Variants in DNM3 observed in about 807,000 individuals in gnomAD.
DNM3 encodes the protein dynamin-3.
DNM3 carries 47 observed loss-of-function variants against 101.6 expected under a neutral mutation model. That is an observed-to-expected ratio of 0.46 (90% CI 0.37 to 0.59). DNM3 has a LOEUF of 0.59. Ranked by LOEUF, DNM3 falls within the 20% of genes least tolerant of loss-of-function variation. The pLI is 0.00. For missense variants in DNM3, 849 were observed against 1,085.7 expected (o/e 0.78, Z 3.06); for synonymous variants, 385 against 387.9 (o/e 0.99, Z 0.09).
intron 2 of DNM3, 67 bp from the exon 3 acceptor site, chr1:171,987,589 G>A: frequency 6.9e-7 from 1 of 1,446,876 alleles, no homozygotes; most frequent in Non-Finnish European, 9.2e-7. Context: ...TATAATTAAA[G>A]AAACTTTTAT....
intron 15 of DNM3, among the ~76,000 whole-genome samples, chr1:172,301,906 G>T (rs1341491785): frequency 6.6e-6 from 1 of 152,078 alleles, no homozygotes; most frequent in Non-Finnish European, 1.5e-5. Context: ...TAAGGTTATG[G>T]TCCCGTTCCA....
intron 2 of DNM3, among the ~76,000 whole-genome samples, chr1:171,974,639 C>G (rs957507584): frequency 3.3e-4 from 50 of 152,190 alleles, no homozygotes; most frequent in African/African-American, 1.0e-3. Context: ...TTTAAACTGA[C>G]TGCATAATGC....
intron 4 of DNM3, among the ~76,000 whole-genome samples, chr1:172,010,586 C>G (rs570865409): frequency 1.7e-5 from 2 of 115,506 alleles, no homozygotes; most frequent in African/African-American, 6.2e-5. Context: ...GTGTGTCTCT[C>G]TTTTTTCCCT....
intron 1 of DNM3, among the ~76,000 whole-genome samples, chr1:171,899,209 T>C (rs915822742): frequency 6.6e-6 from 1 of 152,208 alleles, no homozygotes; most frequent in Non-Finnish European, 1.5e-5. Context: ...GCTGCTGCCA[T>C]GTGATGGCTC....
intron 15 of DNM3, among the ~76,000 whole-genome samples, chr1:172,268,780 C>A (rs1192488177): frequency 6.6e-6 from 1 of 152,096 alleles, no homozygotes; most frequent in Non-Finnish European, 1.5e-5. Context: ...TATTGTTTTT[C>A]AAATGAAACT....
downstream of DNM3, among the ~76,000 whole-genome samples, chr1:172,414,751 TAAA>T (rs11378822): frequency 1.1e-4 from 11 of 100,050 alleles, no homozygotes; most frequent in Admixed American, 3.0e-4. Flanking sequence ...ACCTCATCTC[TAAA>T]AAAAAAAAAA....
chr1:172,020,489 G>C (rs1171257365), intron 4 of DNM3, among the ~76,000 whole-genome samples: 1 of 152,064 alleles, frequency 6.6e-6, no homozygotes, highest in Non-Finnish European at 1.5e-5. Flanking sequence ...GGGAGGCTGA[G>C]GCGGGCATAT....
chr1:171,889,194 G>T (rs996505100), intron 1 of DNM3, among the ~76,000 whole-genome samples: 6 of 152,042 alleles, frequency 3.9e-5, no homozygotes, highest in African/African-American at 1.4e-4. Context: ...GCCTGGGTTG[G>T]TCTGCAACTC....
chr1:172,289,857 T>G (rs2063835923), intron 15 of DNM3: 1 of 979,754 alleles, frequency 1.0e-6, no homozygotes, highest in African/African-American at 1.8e-5. Flanking sequence ...CTTTCCTATT[T>G]AACTTTTATC....
chr1:171,996,681 TATC>T (rs575158902), intron 4 of DNM3, among the ~76,000 whole-genome samples: 120 of 152,252 alleles, frequency 7.9e-4, no homozygotes, highest in Middle Eastern at 3.4e-3. Context: ...GAAATGAAAT[TATC>T]ATAACCCTTA....
intron 2 of DNM3, among the ~76,000 whole-genome samples, chr1:171,952,596 G>A (rs182381776): frequency 5.8e-4 from 89 of 152,204 alleles, no homozygotes; most frequent in Non-Finnish European, 3.5e-4. Context: ...CATTTCAATC[G>A]GTTGGGGAGG....
intron 3 of DNM3, among the ~76,000 whole-genome samples, chr1:171,988,547 A>G (rs919378011): frequency 6.6e-6 from 1 of 151,942 alleles, no homozygotes; most frequent in African/African-American, 2.4e-5. Flanking sequence ...AAAAAAAAAA[A>G]TGATACTTTT....
intron 10 of DNM3, among the ~76,000 whole-genome samples, chr1:172,060,135 A>G (rs1301109465): frequency 6.8e-6 from 1 of 147,468 alleles, no homozygotes; most frequent in Non-Finnish European, 1.5e-5. Context: ...AATCCAACTT[A>G]CAAGGGATGT....
At chr1:172,095,112 A>G (rs1303424937) in intron 13 of DNM3, among the ~76,000 whole-genome samples, 1 of 152,226 alleles carries the variant, frequency 6.6e-6, no homozygotes, top group East Asian at 1.9e-4. Context: ...GGTGAGTGTT[A>G]TAATGGAATA....
In DNM3 at chr1:172,025,446, G is replaced by A. The variant is rs146217023; in HGVS notation, c.590-6956G>A. On this transcript the variant is annotated intron_variant, in intron 4 of 20. Transcript: ENST00000627582. ...GTGGATCTCTTAGCACAGCATTCGA[G>A]CTCTGCTAAGGGACAGAATGTCTCC... Among the ~76,000 whole-genome samples the A allele has an allele frequency of 7.1e-4, 108 of 152,350 alleles. 2 individuals carry two copies. The highest frequency in any genetic ancestry group is 2.4e-3 in the African/African-American group (98 of 41,570).
intron 2 of DNM3, among the ~76,000 whole-genome samples, chr1:171,940,542 C>G (rs193137914): frequency 1.3e-5 from 2 of 152,260 alleles, no homozygotes; most frequent in African/African-American, 4.8e-5. Context: ...TCAGTTTTTA[C>G]TGTTACATTA....
rs1322658615 is a variant in DNM3 at position 172,323,522 on chromosome 1, G to A, written c.1893+182G>A. ...TTTGCACTACCATAATGGCTGTTCC[G>A]TTTTGACTTTTGGGAAGGGAAACAT... On this transcript the variant is annotated intron_variant, in intron 17 of 20. Coordinates refer to ENST00000627582, the MANE Select transcript of DNM3 (RefSeq NM_015569.5). 3.9e-5 allele frequency among the ~76,000 whole-genome samples: 6 copies of A among 152,220 alleles called. No individual in the cohort carries two copies. In the East Asian group the frequency reaches 9.7e-4, roughly 24 times the overall value.
chr1:172,278,655 C>G (rs1438779398), intron 15 of DNM3, among the ~76,000 whole-genome samples: 1 of 152,114 alleles, frequency 6.6e-6, no homozygotes. Context: ...AACATCCCTG[C>G]TGTGTCCTGC....
intron 4 of DNM3, among the ~76,000 whole-genome samples, chr1:172,000,657 A>G (rs1319379551): frequency 1.3e-5 from 2 of 152,074 alleles, no homozygotes; most frequent in Non-Finnish European, 2.9e-5. Context: ...TATCAAAACT[A>G]GACTTTTATG....
Sources: gnomAD v4.1 joint callset for allele counts (sites outside exome capture counted in the v4.1 genomes callset) on GRCh38, gnomAD v4.1.1 for gene constraint, MANE v1.5 for transcripts, NCBI Gene and HGNC (gene_info 2026-07-23, HGNC 2026-07-21) for gene names.